The following CNTNAP2 variants were observed in gnomAD, a reference collection of about 807,000 sequenced individuals.
The protein encoded by CNTNAP2 is contactin associated protein 2, also known as contactin-associated protein-like 2.
CNTNAP2 carries 98 observed loss-of-function variants against 155.2 expected under a neutral mutation model. The ratio of observed to expected loss-of-function variants is 0.63; its 90% CI spans 0.54 to 0.75. The LOEUF is 0.75. Among genes scored for constraint, CNTNAP2 ranks in the 30% least tolerant of loss-of-function variants. The probability of loss-of-function intolerance (pLI) is 0.00; values close to 1 mark genes in which losing one functional copy is unlikely to be tolerated. For missense variants in CNTNAP2, 1,727 were observed against 1,688.1 expected (o/e 1.02, Z -0.40); for synonymous variants, 651 against 631.2 (o/e 1.03, Z -0.47).
chr7:146,484,314 G>A (rs183587694), intron 1 of CNTNAP2, among the ~76,000 whole-genome samples: 86 of 152,210 alleles, frequency 5.7e-4, no homozygotes, highest in African/African-American at 1.9e-3. Flanking sequence ...ACACATGACC[G>A]CAGTCATGCC....
chr7:146,411,841 TA>T lies in CNTNAP2; in HGVS notation c.97+294869del, dbSNP rs879428743. 9.9e-3 allele frequency among the ~76,000 whole-genome samples: 1,221 copies of T among 123,358 alleles called. 9 individuals carry two copies. The highest frequency in any genetic ancestry group is 0.031 in the African/African-American group (867 of 28,320). The allele number at this position is 123,358 out of a possible 152,430, so 80.9% of individuals were successfully genotyped here. A position where few individuals can be genotyped will look rare whatever the true frequency, so the allele number is the denominator to read the frequency against. On this transcript the variant is annotated intron_variant, in intron 1 of 23. Coordinates refer to ENST00000361727, the MANE Select transcript of CNTNAP2 (RefSeq NM_014141.6). Reference sequence around the variant, plus strand: ...TTATTTATTTACTTATTTATTTATTTATTTATTTTATTTGAGATAGAGTCTC... The same window carrying T: ...TTATTTATTTACTTATTTATTTATTTTTTATTTTATTTGAGATAGAGTCTC...
intron 3 of CNTNAP2, among the ~76,000 whole-genome samples, chr7:146,940,743 A>G (rs183756915): frequency 1.2e-3 from 175 of 151,930 alleles, no homozygotes; most frequent in African/African-American, 3.3e-3. Context: ...ATATACACAC[A>G]CACTGCACTA....
chr7:147,370,246 G>A (rs1365402040), intron 9 of CNTNAP2, among the ~76,000 whole-genome samples: 4 of 152,174 alleles, frequency 2.6e-5, no homozygotes, highest in Admixed American at 2.0e-4. Context: ...GGACAATGAC[G>A]TGTCCATGAC....
At chr7:147,356,935 AG>A (rs1203656870) in intron 9 of CNTNAP2, among the ~76,000 whole-genome samples, 1 of 152,124 alleles carries the variant, frequency 6.6e-6, no homozygotes, top group Non-Finnish European at 1.5e-5. Flanking sequence ...GCCACCAGTT[AG>A]TAGTGACATC....
At chr7:148,171,761 CTT>C (rs1805798919) in intron 17 of CNTNAP2, among the ~76,000 whole-genome samples, 1 of 151,604 alleles carries the variant, frequency 6.6e-6, no homozygotes, top group Non-Finnish European at 1.5e-5. Context: ...CAAAGCCTCT[CTT>C]GAGACAAGAA....
intron 8 of CNTNAP2, among the ~76,000 whole-genome samples, chr7:147,221,206 A>T (rs1302065406): frequency 6.6e-6 from 1 of 152,192 alleles, no homozygotes; most frequent in Non-Finnish European, 1.5e-5. Context: ...ACTTATATGT[A>T]AGTATACACA....
intron 1 of CNTNAP2, among the ~76,000 whole-genome samples, chr7:146,658,116 G>A (rs115163461): frequency 0.024 from 3,660 of 152,238 alleles, 110 homozygotes; most frequent in African/African-American, 0.065. Flanking sequence ...GAAGTTGAGA[G>A]TGATAATGGT....
At chr7:147,128,984 A>T (rs535908327) in intron 7 of CNTNAP2, 148 bp downstream of exon 7, 1 of 1,046,794 alleles carries the variant, frequency 9.6e-7, no homozygotes, top group East Asian at 2.5e-5. Context: ...TAGAGTTATC[A>T]GAATTAGTAT....
intron 13 of CNTNAP2, among the ~76,000 whole-genome samples, chr7:147,742,188 G>A (rs1796966862): frequency 6.6e-6 from 1 of 152,188 alleles, no homozygotes; most frequent in Admixed American, 6.5e-5. Flanking sequence ...TTCAAGGTGA[G>A]ATTTGGTTAG....
At chr7:146,299,462 C>T (rs895964445) in intron 1 of CNTNAP2, among the ~76,000 whole-genome samples, 1 of 152,102 alleles carries the variant, frequency 6.6e-6, no homozygotes, top group African/African-American at 2.4e-5. Context: ...TAGCTCACAG[C>T]AGCCTAGAAC....
In CNTNAP2 at chr7:146,266,988, C is replaced by T. The variant is rs150249949; in HGVS notation, c.97+150015C>T. On this transcript the variant is annotated intron_variant, in intron 1 of 23. Coordinates refer to ENST00000361727, the MANE Select transcript of CNTNAP2 (RefSeq NM_014141.6). ...TGAAGTCATAGGTATTTGTGTATCA[C>T]GACAACAGCAGATAGGTATTTCAAT... 3.1e-3 allele frequency among the ~76,000 whole-genome samples: 468 copies of T among 150,872 alleles called. 3 individuals carry two copies. Among genetic ancestry groups the T allele is most frequent in the African/African-American group, 0.011 (443 of 41,014 alleles).
At chr7:146,343,091 GT>G (rs1397432332) in intron 1 of CNTNAP2, among the ~76,000 whole-genome samples, 2 of 149,366 alleles carry the variant, frequency 1.3e-5, no homozygotes, top group African/African-American at 4.9e-5. Flanking sequence ...TTTTTTTTTT[GT>G]TTGTTTTTTG....
intron 1 of CNTNAP2, among the ~76,000 whole-genome samples, chr7:146,377,612 C>G (rs1306614575): frequency 6.6e-6 from 1 of 152,168 alleles, no homozygotes; most frequent in African/African-American, 2.4e-5. Flanking sequence ...CTACCGGCCA[C>G]TCTCTACAGC....
chr7:147,481,234 T>C (rs76223416), intron 10 of CNTNAP2, among the ~76,000 whole-genome samples: 42 of 152,366 alleles, frequency 2.8e-4, no homozygotes, highest in African/African-American at 9.4e-4. Context: ...CATACAGTTA[T>C]GCTGTCAGGC....
At chr7:148,092,441 G>A (rs564912075) in intron 15 of CNTNAP2, among the ~76,000 whole-genome samples, 4 of 152,098 alleles carry the variant, frequency 2.6e-5, no homozygotes, top group Admixed American at 1.3e-4. Flanking sequence ...TCTTGCCTTG[G>A]ATGGATGAAG....
rs138171878 is a variant in CNTNAP2 at position 146,515,054 on chromosome 7, T to G, written c.98-259217T>G. Among the ~76,000 whole-genome samples, 508 of 152,196 alleles carry G rather than the reference T, an allele frequency of 3.3e-3. 3 individuals carry two copies. Among genetic ancestry groups the G allele is most frequent in the African/African-American group, 0.012 (492 of 41,550 alleles). On this transcript the variant is annotated intron_variant, in intron 1 of 23. Transcript: ENST00000361727. The stretch of plus-strand genomic sequence containing the variant: ...TGTGAAAAGGCTGTCTATGGGTTCA[T>G]GCCAAGAGGATCCATGGAGTATGCC...
At chr7:147,070,855 G>A (rs1467020377) in intron 4 of CNTNAP2, among the ~76,000 whole-genome samples, 1 of 152,110 alleles carries the variant, frequency 6.6e-6, no homozygotes, top group African/African-American at 2.4e-5. Context: ...CGATGGAAAT[G>A]TATCAGAACA....
intron 1 of CNTNAP2, among the ~76,000 whole-genome samples, chr7:146,141,522 T>C (rs1048621400): frequency 5.3e-5 from 8 of 152,152 alleles, no homozygotes; most frequent in African/African-American, 1.9e-4. Flanking sequence ...TTCTTTAACA[T>C]TTGTATATAA....
chr7:146,307,431 T>G (rs958708326), intron 1 of CNTNAP2, among the ~76,000 whole-genome samples: 1 of 152,076 alleles, frequency 6.6e-6, no homozygotes, highest in African/African-American at 2.4e-5. Context: ...TTCAATGCCA[T>G]CCCCATCAAG....
Sources: gnomAD v4.1 joint callset for allele counts (sites outside exome capture counted in the v4.1 genomes callset) on GRCh38, gnomAD v4.1.1 for gene constraint, MANE v1.5 for transcripts, NCBI Gene and HGNC (gene_info 2026-07-23, HGNC 2026-07-21) for gene names.